The following RNF24 variants were observed in gnomAD, a reference collection of about 807,000 sequenced individuals.
The protein encoded by RNF24 is ring finger protein 24.
In RNF24, 14 loss-of-function variants were observed where a neutral mutation model predicts 20.0. That is an observed-to-expected ratio of 0.70 (90% CI 0.46 to 1.10). The LOEUF is 1.10. RNF24 is among the 50% of genes least tolerant of loss of function. RNF24 has a pLI of 0.00. For synonymous variants in RNF24, 45 were observed against 61.1 expected (o/e 0.74, Z 1.23); for missense variants, 124 against 177.6 (o/e 0.70, Z 1.71).
At chr20:3,943,185 C>CAAAT (rs1182317322) in intron 4 of RNF24, among the ~76,000 whole-genome samples, 1 of 152,036 alleles carries the variant, frequency 6.6e-6, no homozygotes, top group Non-Finnish European at 1.5e-5. Flanking sequence ...AACAGAGCTT[C>CAAAT]AAATAAATAA....
chr20:3,944,196 T>A (rs1385766464), intron 4 of RNF24, among the ~76,000 whole-genome samples: 15 of 115,374 alleles, frequency 1.3e-4, no homozygotes, highest in Non-Finnish European at 2.2e-4. Context: ...GATGACAGAG[T>A]AAGACCCCGT....
chr20:3,990,809 G>A (rs1980371292), intron 1 of RNF24, among the ~76,000 whole-genome samples: 1 of 151,936 alleles, frequency 6.6e-6, no homozygotes. Context: ...CCCAAGGTTC[G>A]AGACTACAGC....
chr20:4,005,265 T>C (rs1981772601), intron 1 of RNF24, among the ~76,000 whole-genome samples: 1 of 152,212 alleles, frequency 6.6e-6, no homozygotes, highest in South Asian at 2.1e-4. Flanking sequence ...TAAAAGCTTT[T>C]TAGTGTAGGT....
intron 1 of RNF24, among the ~76,000 whole-genome samples, chr20:3,980,672 G>A (rs1242958207): frequency 6.6e-6 from 1 of 152,140 alleles, no homozygotes; most frequent in Non-Finnish European, 1.5e-5. Flanking sequence ...TCATTTAAAG[G>A]TGTAAGCATA....
chr20:3,937,904 A>G (rs555779340), intron 4 of RNF24, among the ~76,000 whole-genome samples: 1 of 152,268 alleles, frequency 6.6e-6, no homozygotes, highest in South Asian at 2.1e-4. Flanking sequence ...ATTGTGGACA[A>G]TACTGCTATA....
intron 2 of RNF24, among the ~76,000 whole-genome samples, chr20:3,953,682 T>G (rs2091108781): frequency 6.6e-6 from 1 of 151,922 alleles, no homozygotes; most frequent in African/African-American, 2.4e-5. Context: ...CAAGATGGTC[T>G]CGATCTCCTG....
intron 3 of RNF24, among the ~76,000 whole-genome samples, chr20:3,946,143 C>G (rs1301190760): frequency 1.3e-5 from 2 of 152,112 alleles, no homozygotes; most frequent in African/African-American, 4.8e-5. Flanking sequence ...TCTAGTTAGC[C>G]TACATACAAA....
intron 1 of RNF24, among the ~76,000 whole-genome samples, chr20:4,005,404 C>T (rs1377695404): frequency 6.6e-6 from 1 of 152,056 alleles, no homozygotes; most frequent in Admixed American, 6.5e-5. Context: ...CAGAGATAAT[C>T]GACAAGTTTG....
chr20:3,985,678 T>C (rs1979824952), intron 1 of RNF24, among the ~76,000 whole-genome samples: 1 of 152,036 alleles, frequency 6.6e-6, no homozygotes, highest in Non-Finnish European at 1.5e-5. Context: ...AGTCTATTTT[T>C]ACTCTGCCAT....
rs757086483 is a variant in RNF24 at position 3,929,184 on chromosome 20, CAG to C, written c.*4877_*4878del. The C allele has an allele frequency of 1.2e-4, 19 of 152,166 alleles. No individual in the cohort carries two copies. The highest frequency in any genetic ancestry group is 4.1e-4 in the African/African-American group (17 of 41,428). 9.4% of individuals were successfully genotyped at this position (152,166 alleles called of 1,614,324 possible). Reference sequence around the variant, plus strand: ...GCATTTTCTTTTCAAAGTGTGTGCACAGAGTGAGGAGGCCAGCCTGGGCAACA... The same window carrying C: ...GCATTTTCTTTTCAAAGTGTGTGCACAGTGAGGAGGCCAGCCTGGGCAACA... On this transcript the variant is annotated 3_prime_UTR_variant, in exon 6 of 6. Coordinates refer to ENST00000358395, the MANE Select transcript of RNF24 (RefSeq NM_001134337.3).
chr20:4,002,344 C>T lies in RNF24; in HGVS notation c.-8+13093G>A, dbSNP rs572991861. ...GAGCTTGCAGTGAGCCAAGATGGTGCCACTGCACTCCAGCCTGGGCAACAG... is the reference window on the plus strand; with the variant it reads ...GAGCTTGCAGTGAGCCAAGATGGTGTCACTGCACTCCAGCCTGGGCAACAG... On this transcript the variant is annotated intron_variant, in intron 1 of 5. Transcript: ENST00000358395. 2.0e-3 allele frequency among the ~76,000 whole-genome samples: 304 copies of T among 152,210 alleles called. 3 individuals carry two copies. The highest frequency in any genetic ancestry group is 7.0e-3 in the African/African-American group (292 of 41,534).
At chr20:3,935,537 C>T (rs2090880325) in intron 4 of RNF24, among the ~76,000 whole-genome samples, 1 of 152,242 alleles carries the variant, frequency 6.6e-6, no homozygotes, top group South Asian at 2.1e-4. Context: ...GCACAGCTTG[C>T]AGTAACATGC....
rs560109295 is a variant in RNF24 at position 4,010,558 on chromosome 20, G to C, written c.-8+4879C>G. ...TGAAGCTCAAGTTAGTTTCTTTTTG[G>C]TCATTTCTTTTTTTGTCATTTCCTA... is the stretch of plus-strand genomic sequence containing the variant. On this transcript the variant is annotated intron_variant, in intron 1 of 5. Transcript: ENST00000358395. Among the ~76,000 whole-genome samples the C allele has an allele frequency of 1.2e-3, 187 of 152,016 alleles. 2 individuals carry two copies. Among genetic ancestry groups the C allele is most frequent in the Non-Finnish European group, 1.7e-3 (113 of 67,970 alleles).
chr20:3,966,133 C>CAAAAAAAAAAA (rs574975352), intron 1 of RNF24, among the ~76,000 whole-genome samples: 6 of 81,476 alleles, frequency 7.4e-5, no homozygotes, highest in South Asian at 4.9e-4. Context: ...GATTCCATCT[C>CAAAAAAAAAAA]AAAAAAAAAA....
chr20:4,005,368 G>A (rs1981782577), intron 1 of RNF24, among the ~76,000 whole-genome samples: 2 of 152,004 alleles, frequency 1.3e-5, no homozygotes, highest in African/African-American at 2.4e-5. Context: ...ATCTTACTAC[G>A]CCGAAAATTC....
intron 4 of RNF24, among the ~76,000 whole-genome samples, chr20:3,942,335 ATT>A (rs879326719): frequency 7.5e-5 from 10 of 132,644 alleles, no homozygotes; most frequent in Admixed American, 1.5e-4. Flanking sequence ...GGCCCAGTTA[ATT>A]TTTTTTTTTT....
chr20:3,965,620 T>C (rs17287486), intron 1 of RNF24, among the ~76,000 whole-genome samples: 17,707 of 152,282 alleles, frequency 0.12, 1,380 homozygotes, highest in Non-Finnish European at 0.17. Flanking sequence ...GAAGGAAGGA[T>C]GTAGTTAAGG....
rs140758403 is a variant in RNF24 at position 3,947,502 on chromosome 20, A to G, written c.186+735T>C. ...AGACTTCTAGTGGATAATATGAGCTAACATTTAAAGTACAAAAGGGAGTAG... is the reference window on the plus strand; with the variant it reads ...AGACTTCTAGTGGATAATATGAGCTGACATTTAAAGTACAAAAGGGAGTAG... On this transcript the variant is annotated intron_variant, in intron 3 of 5. Transcript: ENST00000358395. 3.1e-3 allele frequency among the ~76,000 whole-genome samples: 475 copies of G among 152,342 alleles called. 2 individuals are homozygous for G. The highest frequency in any genetic ancestry group is 4.7e-3 in the Non-Finnish European group (319 of 68,032).
At chr20:3,941,446 T>A (rs2090954212) in intron 4 of RNF24, among the ~76,000 whole-genome samples, 2 of 152,152 alleles carry the variant, frequency 1.3e-5, no homozygotes, top group Non-Finnish European at 1.5e-5. Flanking sequence ...ATTCTAAATA[T>A]TTATTTGGTA....
Sources: allele counts gnomAD v4.1 joint callset (sites outside exome capture counted in the v4.1 genomes callset), GRCh38; gene constraint gnomAD v4.1.1; transcripts MANE v1.5; gene names NCBI Gene and HGNC (gene_info 2026-07-23, HGNC 2026-07-21).